Variants in COL4A1 observed in about 807,000 individuals in gnomAD.
COL4A1 encodes collagen alpha-1(IV) chain.
Under a neutral mutation model 216.6 loss-of-function variants are expected in COL4A1, and 40 were observed. The observed-to-expected ratio is 0.18, with a 90% CI of 0.14 to 0.24. COL4A1 has a LOEUF of 0.24. Ranked by LOEUF, COL4A1 falls within the 10% of genes least tolerant of loss-of-function variation. The pLI is 1.00. For synonymous variants in COL4A1, 839 were observed against 810.7 expected, an observed-to-expected ratio of 1.03 and a Z score of -0.59; for missense variants, 1,628 against 2,196.8, an observed-to-expected ratio of 0.74 and a Z score of 5.18.
chr13:110,198,681 C>T lies in COL4A1; in HGVS notation c.1121-50G>A, dbSNP rs371283517. ...CAGTAACCTCAGGGCCACTTAGCAA[C>T]TACAGCATAAACTCATTCTCCTAAC... is the stretch of plus-strand genomic sequence containing the variant. On this transcript the variant is annotated intron_variant, in intron 20 of 51. Coordinates refer to ENST00000375820, the MANE Select transcript of COL4A1 (RefSeq NM_001845.6). 5 of 1,609,380 alleles carry T rather than the reference C, an allele frequency of 3.1e-6. No individual in the cohort carries two copies. In the African/African-American group the frequency reaches 6.7e-5, roughly 22 times the overall value.
chr13:110,195,488 G>A (rs866846202), intron 21 of COL4A1, among the ~76,000 whole-genome samples: 1 of 152,074 alleles, frequency 6.6e-6, no homozygotes, highest in Non-Finnish European at 1.5e-5. Flanking sequence ...ATTTGTCCAG[G>A]GTCATGCATC....
chr13:110,238,473 C>G (rs988447772), intron 2 of COL4A1, among the ~76,000 whole-genome samples: 4 of 152,212 alleles, frequency 2.6e-5, no homozygotes, highest in African/African-American at 9.7e-5. Context: ...TCTAAGCAAG[C>G]CTGGCAAATT....
At chr13:110,267,475 G>T (rs746891624) in intron 1 of COL4A1, among the ~76,000 whole-genome samples, 1 of 152,112 alleles carries the variant, frequency 6.6e-6, no homozygotes, top group Non-Finnish European at 1.5e-5. Flanking sequence ...AGAAGGGCTT[G>T]AGGAATCTTT....
At chr13:110,226,802 T>C (rs1333486516) in intron 2 of COL4A1, among the ~76,000 whole-genome samples, 4 of 152,256 alleles carry the variant, frequency 2.6e-5, no homozygotes, top group African/African-American at 9.6e-5. Flanking sequence ...TAAGCCAACA[T>C]CTTGAAGTTT....
At chr13:110,287,243 A>G (rs1435468981) in intron 1 of COL4A1, among the ~76,000 whole-genome samples, 1 of 152,210 alleles carries the variant, frequency 6.6e-6, no homozygotes, top group East Asian at 1.9e-4. Flanking sequence ...ATTCAACAAT[A>G]GTAACAGAAT....
chr13:110,236,088 G>A (rs2139237866), intron 2 of COL4A1, among the ~76,000 whole-genome samples: 2 of 152,306 alleles, frequency 1.3e-5, no homozygotes, highest in Admixed American at 1.3e-4. Context: ...GGTAATGTTA[G>A]ATTCTAAGGC....
At chr13:110,168,451 T>C (rs1018868492) in intron 43 of COL4A1, among the ~76,000 whole-genome samples, 4 of 152,208 alleles carry the variant, frequency 2.6e-5, no homozygotes, top group African/African-American at 9.6e-5. Context: ...CATACACATT[T>C]GCTATACTGT....
intron 2 of COL4A1, among the ~76,000 whole-genome samples, chr13:110,215,884 C>A (rs1880047972): frequency 6.6e-6 from 1 of 152,190 alleles, no homozygotes; most frequent in Non-Finnish European, 1.5e-5. Context: ...GAATTAACTG[C>A]CTGCTCCATT....
intron 11 of COL4A1, 60 bp downstream of exon 11, chr13:110,209,332 A>G (rs1879663987): frequency 6.9e-7 from 1 of 1,458,694 alleles, no homozygotes; most frequent in Admixed American, 1.8e-5. Flanking sequence ...AGTGAGCTAT[A>G]GCAATTTCAT....
At chr13:110,224,817 A>T (rs1880662463) in intron 2 of COL4A1, among the ~76,000 whole-genome samples, 1 of 152,186 alleles carries the variant, frequency 6.6e-6, no homozygotes, top group African/African-American at 2.4e-5. Flanking sequence ...GCGTTGTGGA[A>T]CAAAACGAGG....
chr13:110,152,624 T>C, intron 50 of COL4A1, 118 bp from the exon 51 acceptor site: 1 of 1,191,906 alleles, frequency 8.4e-7, no homozygotes, highest in Non-Finnish European at 1.2e-6. Context: ...CACTGCAGCC[T>C]CATGTGGTCA....
chr13:110,284,708 T>C (rs923729392), intron 1 of COL4A1, among the ~76,000 whole-genome samples: 3 of 152,206 alleles, frequency 2.0e-5, no homozygotes, highest in Non-Finnish European at 4.4e-5. Flanking sequence ...TCCATCCTCA[T>C]GATATGAAAA....
chr13:110,278,086 A>G (rs1662021790), intron 1 of COL4A1, among the ~76,000 whole-genome samples: 1 of 152,226 alleles, frequency 6.6e-6, no homozygotes. Flanking sequence ...TATTTAGAAT[A>G]ATATTTTCTC....
At chr13:110,295,364 GC>G (rs1279197390) in intron 1 of COL4A1, among the ~76,000 whole-genome samples, 10 of 145,150 alleles carry the variant, frequency 6.9e-5, no homozygotes, top group Admixed American at 2.8e-4. Flanking sequence ...TTCAATTAAA[GC>G]TTTTGAATGT....
rs1878632914 is a variant in COL4A1, at chr13:110,191,657, A to G, written c.1536+557T>C. The G allele has an allele frequency of 2.9e-6, 2 of 687,468 alleles. No individual in the cohort carries two copies. The highest frequency in any genetic ancestry group is 2.6e-6 in the Non-Finnish European group (1 of 380,510). 42.6% of individuals were successfully genotyped at this position (687,468 alleles called of 1,614,324 possible). A position where few individuals can be genotyped will look rare whatever the true frequency, so the allele number is the denominator to read the frequency against. On this transcript the variant is annotated intron_variant, in intron 24 of 51. Transcript: ENST00000375820. ...ATGGATTTGAAAAAGCAACTGCACA[A>G]TAGATGTTGTAACAGAAATTTTCAA...
chr13:110,287,552 C>G (rs1455832564), intron 1 of COL4A1, among the ~76,000 whole-genome samples: 2 of 152,182 alleles, frequency 1.3e-5, no homozygotes, highest in Non-Finnish European at 2.9e-5. Context: ...CGGATGAACT[C>G]TTCTCTAAAG....
chr13:110,287,029 G>A (rs1883869093), intron 1 of COL4A1, among the ~76,000 whole-genome samples: 1 of 152,204 alleles, frequency 6.6e-6, no homozygotes, highest in Non-Finnish European at 1.5e-5. Flanking sequence ...TGAGGGTGGA[G>A]AATGGCCCAC....
intron 1 of COL4A1, among the ~76,000 whole-genome samples, chr13:110,269,086 C>G (rs1883150649): frequency 6.6e-6 from 1 of 152,190 alleles, no homozygotes; most frequent in African/African-American, 2.4e-5. Flanking sequence ...ACAGCATGCT[C>G]TACTAACAAA....
chr13:110,293,915 C>T (rs1255328254), intron 1 of COL4A1, among the ~76,000 whole-genome samples: 2 of 152,196 alleles, frequency 1.3e-5, no homozygotes, highest in Non-Finnish European at 2.9e-5. Context: ...AGTGTTCTCA[C>T]AGCAATAGTT....
Sources: allele counts gnomAD v4.1 joint callset (sites outside exome capture counted in the v4.1 genomes callset), GRCh38; gene constraint gnomAD v4.1.1; transcripts MANE v1.5; gene names NCBI Gene and HGNC (gene_info 2026-07-23, HGNC 2026-07-21).